The following CDH10 variants were observed in gnomAD, a reference collection of about 807,000 sequenced individuals.
CDH10 encodes cadherin 10.
Under a neutral mutation model 73.1 loss-of-function variants are expected in CDH10, and 30 were observed. The ratio of observed to expected loss-of-function variants is 0.41; its 90% CI spans 0.31 to 0.56. The LOEUF is 0.56. CDH10 is among the 20% of genes least tolerant of loss of function. The probability of loss-of-function intolerance (pLI) is 0.27; values close to 1 mark genes in which losing one functional copy is unlikely to be tolerated. For synonymous variants in CDH10, 345 were observed against 348.2 expected, an observed-to-expected ratio of 0.99 and a Z score of 0.10; for missense variants, 815 against 973.7, an observed-to-expected ratio of 0.84 and a Z score of 2.17.
At chr5:24,493,867 ATGTCT>A (rs558225451) in intron 9 of CDH10, among the ~76,000 whole-genome samples, 2 of 151,778 alleles carry the variant, frequency 1.3e-5, no homozygotes, top group East Asian at 1.9e-4. Context: ...TTTGTTGTTG[ATGTCT>A]TGTTGGTTAA....
rs148055273 is a variant in CDH10, at chr5:24,501,980, G to A, written c.1393+3132C>T. On this transcript the variant is annotated intron_variant, in intron 8 of 11. Coordinates refer to ENST00000264463, the MANE Select transcript of CDH10 (RefSeq NM_006727.5). Reference sequence around the variant, plus strand: ...GTCGCCCTGGCTGCAGTGCAGTGGCGCAATCTCCGCTCACTGCAAGCTCCG... The same window carrying A: ...GTCGCCCTGGCTGCAGTGCAGTGGCACAATCTCCGCTCACTGCAAGCTCCG... Among the ~76,000 whole-genome samples, 515 of 151,690 alleles carry A rather than the reference G, an allele frequency of 3.4e-3. 4 individuals carry two copies. Among genetic ancestry groups the A allele is most frequent in the African/African-American group, 0.012 (487 of 41,378 alleles).
chr5:24,545,798 A>G (rs1363832541), intron 2 of CDH10, among the ~76,000 whole-genome samples: 1 of 151,956 alleles, frequency 6.6e-6, no homozygotes, highest in East Asian at 1.9e-4. Flanking sequence ...TGGGAGACAG[A>G]GTAGAACTCT....
At chr5:24,629,431 A>C (rs1747628131) in intron 1 of CDH10, among the ~76,000 whole-genome samples, 1 of 152,310 alleles carries the variant, frequency 6.6e-6, no homozygotes, top group Non-Finnish European at 1.5e-5. Flanking sequence ...AGGATAACAA[A>C]GAAATAAATA....
chr5:24,631,026 T>G (rs890577997), intron 1 of CDH10, among the ~76,000 whole-genome samples: 3 of 152,110 alleles, frequency 2.0e-5, no homozygotes, highest in Non-Finnish European at 4.4e-5. Flanking sequence ...CCTTCCTTGG[T>G]GGAAGTGGTA....
intron 1 of CDH10, among the ~76,000 whole-genome samples, chr5:24,615,793 A>G (rs978481656): frequency 4.6e-5 from 7 of 152,226 alleles, no homozygotes; most frequent in African/African-American, 1.7e-4. Flanking sequence ...ATGCAATTCA[A>G]CAAAGTGACC....
chr5:24,552,260 G>A (rs1397743537), intron 2 of CDH10, among the ~76,000 whole-genome samples: 3 of 152,016 alleles, frequency 2.0e-5, no homozygotes, highest in Non-Finnish European at 4.4e-5. Context: ...GTGCTATTAT[G>A]AGTGAGATTT....
intron 2 of CDH10, among the ~76,000 whole-genome samples, chr5:24,539,165 G>A (rs982554893): frequency 6.6e-6 from 1 of 151,816 alleles, no homozygotes; most frequent in African/African-American, 2.4e-5. Flanking sequence ...TTGAGAATTC[G>A]AGACAATAAT....
At chr5:24,522,539 C>T (rs190913246) in intron 5 of CDH10, among the ~76,000 whole-genome samples, 21 of 152,126 alleles carry the variant, frequency 1.4e-4, no homozygotes, top group African/African-American at 5.1e-4. Context: ...GGATGACAGG[C>T]GTCCCTGACT....
intron 9 of CDH10, among the ~76,000 whole-genome samples, chr5:24,496,571 C>T (rs1742296624): frequency 5.3e-5 from 8 of 152,116 alleles, no homozygotes; most frequent in Admixed American, 5.2e-4. Context: ...TATTTGTCAC[C>T]TCATTTTGTC....
chr5:24,578,000 T>C (rs1206870534), intron 2 of CDH10, among the ~76,000 whole-genome samples: 1 of 152,146 alleles, frequency 6.6e-6, no homozygotes, highest in African/African-American at 2.4e-5. Context: ...TCACTTGTAA[T>C]GTCTCTATGA....
At chr5:24,504,619 A>G (rs993877907) in intron 8 of CDH10, among the ~76,000 whole-genome samples, 27 of 140,162 alleles carry the variant, frequency 1.9e-4, no homozygotes, top group Non-Finnish European at 3.3e-4. Context: ...TCTGCCTCCC[A>G]GGTTCACGCC....
intron 3 of CDH10, 136 bp downstream of exon 3, chr5:24,537,244 A>G: frequency 1.7e-6 from 1 of 591,364 alleles, no homozygotes; most frequent in Non-Finnish European, 2.8e-6. Context: ...TGTCTCCTAA[A>G]AGAAAAAATA....
chr5:24,547,843 G>A (rs1038507410), intron 2 of CDH10, among the ~76,000 whole-genome samples: 2 of 152,136 alleles, frequency 1.3e-5, no homozygotes, highest in African/African-American at 4.8e-5. Flanking sequence ...CTTGACAAAT[G>A]GCCATCGCTC....
chr5:24,603,273 A>G (rs979214014), intron 1 of CDH10, among the ~76,000 whole-genome samples: 7 of 152,230 alleles, frequency 4.6e-5, no homozygotes, highest in Non-Finnish European at 8.8e-5. Flanking sequence ...CAATCCAAAC[A>G]GGTACTATAT....
chr5:24,552,483 A>G (rs7718858), intron 2 of CDH10, among the ~76,000 whole-genome samples: 100,168 of 151,700 alleles, frequency 0.66, 33,179 homozygotes, highest in East Asian at 0.77. Context: ...GCTCACTACA[A>G]TATGTTGTTA....
chr5:24,548,556 T>C (rs1229341846), intron 2 of CDH10, among the ~76,000 whole-genome samples: 2 of 149,598 alleles, frequency 1.3e-5, no homozygotes, highest in Non-Finnish European at 3.0e-5. Flanking sequence ...GGTCCAATGG[T>C]ATTATGGAGA....
chr5:24,554,408 C>T (rs922695237), intron 2 of CDH10, among the ~76,000 whole-genome samples: 1 of 151,524 alleles, frequency 6.6e-6, no homozygotes, highest in Non-Finnish European at 1.5e-5. Context: ...AAACTTGGTG[C>T]TTCCTTTGAG....
chr5:24,610,943 C>T (rs1746925603), intron 1 of CDH10, among the ~76,000 whole-genome samples: 1 of 152,090 alleles, frequency 6.6e-6, no homozygotes, highest in Non-Finnish European at 1.5e-5. Context: ...TAAAAGAAAA[C>T]AGAAAAAGAA....
chr5:24,546,261 T>C (rs183413923), intron 2 of CDH10, among the ~76,000 whole-genome samples: 55 of 152,150 alleles, frequency 3.6e-4, no homozygotes, highest in Non-Finnish European at 5.3e-4. Flanking sequence ...CTCTGAAATA[T>C]AGCCAAGCAA....
Sources: gnomAD v4.1 joint callset for allele counts (sites outside exome capture counted in the v4.1 genomes callset) on GRCh38, gnomAD v4.1.1 for gene constraint, MANE v1.5 for transcripts, NCBI Gene and HGNC (gene_info 2026-07-23, HGNC 2026-07-21) for gene names.